Variants in DPF3 observed in about 807,000 individuals in gnomAD.
DPF3 encodes the protein double PHD fingers 3.
In DPF3, 18 loss-of-function variants were observed where a neutral mutation model predicts 56.8. The observed-to-expected ratio is 0.32, with a 90% CI of 0.22 to 0.47. The LOEUF is 0.47. Ranked by LOEUF, DPF3 falls within the 20% of genes least tolerant of loss-of-function variation. The probability of loss-of-function intolerance (pLI) is 1.00; values close to 1 mark genes in which losing one functional copy is unlikely to be tolerated. For synonymous variants in DPF3, 188 were observed against 180.2 expected (o/e 1.04, Z -0.35); for missense variants, 403 against 488.8 (o/e 0.82, Z 1.65).
chr14:72,821,620 G>A (rs142399958), intron 1 of DPF3, among the ~76,000 whole-genome samples: 211 of 149,098 alleles, frequency 1.4e-3, no homozygotes, highest in African/African-American at 4.9e-3. Flanking sequence ...GGAGTGAGAT[G>A]TGTAGATGAC....
chr14:72,736,913 T>C (rs1321461264), intron 3 of DPF3, among the ~76,000 whole-genome samples: 2 of 151,880 alleles, frequency 1.3e-5, no homozygotes, highest in Non-Finnish European at 2.9e-5. Flanking sequence ...TTTATACACA[T>C]GGATATAAAC....
chr14:72,882,071 T>C (rs1332617906), intron 1 of DPF3, among the ~76,000 whole-genome samples: 1 of 152,112 alleles, frequency 6.6e-6, no homozygotes, highest in Non-Finnish European at 1.5e-5. Flanking sequence ...TTCTACTTGA[T>C]CTGCAAAGGT....
chr14:72,756,406 G>C (rs768614540), intron 2 of DPF3, among the ~76,000 whole-genome samples: 4 of 152,210 alleles, frequency 2.6e-5, no homozygotes, highest in Non-Finnish European at 2.9e-5. Context: ...GACAAATACA[G>C]CTGGTTATGC....
chr14:72,723,961 T>C (rs1379247758), intron 4 of DPF3: 2 of 421,830 alleles, frequency 4.7e-6, no homozygotes, highest in Admixed American at 4.7e-5. Context: ...CCCAGAACAC[T>C]GACCTTTTTC....
intron 1 of DPF3, among the ~76,000 whole-genome samples, chr14:72,877,407 T>C (rs1035336241): frequency 1.3e-5 from 2 of 152,084 alleles, no homozygotes; most frequent in African/African-American, 4.8e-5. Context: ...ATAAAGATTA[T>C]TCCATCATTT....
rs1304798518 is a variant in DPF3 at position 72,613,023 on chromosome 14, T to TGTGTGTGC, written c.*6273_*6274insGCACACAC. Reference sequence around the variant, plus strand: ...GTGTGTGTGTGTGTGTGTGTGTGTGTGTGTGTGTATGTGCGTGCGTGCACG... The same window carrying TGTGTGTGC: ...GTGTGTGTGTGTGTGTGTGTGTGTGTGTGTGTGCGTGTGTGTATGTGCGTGCGTGCACG... On this transcript the variant is annotated 3_prime_UTR_variant, in exon 11 of 11. Coordinates refer to ENST00000556509, the MANE Select transcript of DPF3 (RefSeq NM_001280542.3). Among the ~76,000 whole-genome samples the TGTGTGTGC allele has an allele frequency of 2.8e-4, 43 of 152,068 alleles. No homozygotes were observed. The highest frequency in any genetic ancestry group is 9.9e-4 in the African/African-American group (41 of 41,484).
chr14:72,661,609 A>C (rs1156880374), intron 8 of DPF3: 2 of 985,358 alleles, frequency 2.0e-6, no homozygotes, highest in African/African-American at 3.5e-5. Flanking sequence ...CCATCGGCCA[A>C]AACGCCCACT....
In DPF3 at chr14:72,617,816, TG is replaced by T. The variant is rs1486896213; in HGVS notation, c.*1480del. Reference sequence around the variant, plus strand: ...AGGAGCTGAAGAACTAAAAATAACCTGGGCCTTTGTTGTGAGCAGCCAGACC... The same window carrying T: ...AGGAGCTGAAGAACTAAAAATAACCTGGCCTTTGTTGTGAGCAGCCAGACC... On this transcript the variant is annotated 3_prime_UTR_variant, in exon 11 of 11. Coordinates refer to ENST00000556509, the MANE Select transcript of DPF3 (RefSeq NM_001280542.3). 6.6e-6 allele frequency among the ~76,000 whole-genome samples: 1 copy of T among 152,148 alleles called. No individual in the cohort carries two copies. Among genetic ancestry groups the T allele is most frequent in the East Asian group, 1.9e-4 (1 of 5,182 alleles).
intron 1 of DPF3, among the ~76,000 whole-genome samples, chr14:72,857,950 CTG>C (rs1460368863): frequency 1.3e-5 from 2 of 151,974 alleles, no homozygotes; most frequent in Non-Finnish European, 2.9e-5. Context: ...GGTAGGGAAA[CTG>C]TGTGGGTGAG....
intron 1 of DPF3, chr14:72,774,090 G>T (rs988312301): frequency 3.5e-5 from 14 of 402,488 alleles, no homozygotes; most frequent in Middle Eastern, 8.4e-4. Flanking sequence ...TTCGAGACCA[G>T]CCTGGCCAAC....
In DPF3 at chr14:72,834,977, CTA is replaced by C. The variant is rs537837024; in HGVS notation, c.32+59078_32+59079del. On this transcript the variant is annotated intron_variant, in intron 1 of 10. Transcript: ENST00000556509. ...CCACATGTGTTATATGATTTCATCT[CTA>C]TGGAATATCTAGAATAGGGAAATCC... Among the ~76,000 whole-genome samples the C allele has an allele frequency of 3.3e-3, 367 of 110,684 alleles. 3 individuals are homozygous for C. The highest frequency in any genetic ancestry group is 0.022 in the Middle Eastern group (4 of 178). The allele number at this position is 110,684 out of a possible 152,430, so 72.6% of individuals were successfully genotyped here. A position where few individuals can be genotyped will look rare whatever the true frequency, so the allele number is the denominator to read the frequency against.
At chr14:72,730,690 G>T (rs1481863535) in intron 4 of DPF3, among the ~76,000 whole-genome samples, 1 of 150,526 alleles carries the variant, frequency 6.6e-6, no homozygotes, top group Non-Finnish European at 1.5e-5. Context: ...ATGCACAATA[G>T]GTATAGCATA....
intron 2 of DPF3, among the ~76,000 whole-genome samples, chr14:72,760,649 G>A (rs141429099): frequency 6.6e-6 from 1 of 152,156 alleles, no homozygotes; most frequent in East Asian, 1.9e-4. Flanking sequence ...TATAATTAAA[G>A]ATGTACACTA....
chr14:72,795,232 A>G (rs1892589743), intron 1 of DPF3, among the ~76,000 whole-genome samples: 1 of 149,984 alleles, frequency 6.7e-6, no homozygotes, highest in Non-Finnish European at 1.5e-5. Flanking sequence ...AAAGAAACGC[A>G]GTTATGTCCT....
At chr14:72,688,243 ATGGATGGG>A (rs1887509873) in intron 7 of DPF3, among the ~76,000 whole-genome samples, 1 of 83,416 alleles carries the variant, frequency 1.2e-5, no homozygotes, top group Non-Finnish European at 2.3e-5. Context: ...GATGGGATGG[ATGGATGGG>A]TGGATGGGTG....
At chr14:72,879,658 G>C in intron 1 of DPF3, 1 of 1,002,062 alleles carries the variant, frequency 1.0e-6, no homozygotes, top group Non-Finnish European at 1.4e-6. Flanking sequence ...CGCCTGCCCA[G>C]AGGAAACCGC....
intron 4 of DPF3, among the ~76,000 whole-genome samples, chr14:72,727,858 A>G (rs1261700595): frequency 6.6e-6 from 1 of 152,202 alleles, no homozygotes; most frequent in Non-Finnish European, 1.5e-5. Flanking sequence ...CTACATGTGT[A>G]TTTTAATAAT....
rs533803969 is a variant in DPF3 at position 72,652,083 on chromosome 14, C to T, written c.871+22157G>A. On this transcript the variant is annotated intron_variant, in intron 8 of 10. Coordinates refer to ENST00000556509, the MANE Select transcript of DPF3 (RefSeq NM_001280542.3). Reference sequence around the variant, plus strand: ...CTCCAGCTATAAAATAGGAACACCCCCTACATCACAGGATTGTCACATAAG... The same window carrying T: ...CTCCAGCTATAAAATAGGAACACCCTCTACATCACAGGATTGTCACATAAG... Among the ~76,000 whole-genome samples the T allele has an allele frequency of 2.6e-5, 4 of 152,324 alleles. No individual in the cohort carries two copies. In the East Asian group the frequency reaches 7.7e-4, roughly 29 times the overall value.
At chr14:72,797,066 A>G (rs560271538) in intron 1 of DPF3, among the ~76,000 whole-genome samples, 1 of 152,338 alleles carries the variant, frequency 6.6e-6, no homozygotes, top group African/African-American at 2.4e-5. Flanking sequence ...GCTTTGGCCA[A>G]CAGAATACAG....
Sources: allele counts gnomAD v4.1 joint callset (sites outside exome capture counted in the v4.1 genomes callset), GRCh38; gene constraint gnomAD v4.1.1; transcripts MANE v1.5; gene names NCBI Gene and HGNC (gene_info 2026-07-23, HGNC 2026-07-21).